SATB1: variants seen among roughly 807,000 people sequenced by gnomAD.
SATB1 encodes the protein SATB homeobox 1, also known as DNA-binding protein SATB1.
A neutral mutation model predicts 86.9 loss-of-function variants in SATB1; 11 were observed. The observed-to-expected ratio is 0.13, with a 90% CI of 0.08 to 0.21. SATB1 has a LOEUF of 0.21. Among genes scored for constraint, SATB1 ranks in the 10% least tolerant of loss-of-function variants. The pLI, the probability that SATB1 is intolerant of heterozygous loss-of-function variation, is 1.00. For missense variants in SATB1, 551 were observed against 937.6 expected (o/e 0.59, Z 5.39); for synonymous variants, 357 against 357.2 (o/e 1.00, Z 0.01).
rs537132862 is a variant in SATB1, at chr3:18,395,815, G to A, written c.752-899C>T. On this transcript the variant is annotated intron_variant, in intron 6 of 10. Transcript: ENST00000338745. ...TTGGCTAGGTTCCTCATATGGATTGGCTGAGCATCATCTCTAAGTATGTAA... is the reference window on the plus strand; with the variant it reads ...TTGGCTAGGTTCCTCATATGGATTGACTGAGCATCATCTCTAAGTATGTAA... Among the ~76,000 whole-genome samples, 5 of 152,124 alleles carry A rather than the reference G, an allele frequency of 3.3e-5. No homozygotes were observed. In the South Asian group the frequency reaches 1.0e-3, roughly 32 times the overall value.
chr3:18,421,968 ATAAT>A (rs1352866972), intron 1 of SATB1, among the ~76,000 whole-genome samples: 1 of 151,788 alleles, frequency 6.6e-6, no homozygotes, highest in East Asian at 1.9e-4. Context: ...AAATTAACAG[ATAAT>A]TATTTTCAGT....
At chr3:18,363,099 G>A (rs1051984176) in intron 9 of SATB1, among the ~76,000 whole-genome samples, 1 of 152,022 alleles carries the variant, frequency 6.6e-6, no homozygotes, top group African/African-American at 2.4e-5. Flanking sequence ...CATATTTAGG[G>A]ACTGGGAATT....
upstream of SATB1, among the ~76,000 whole-genome samples, chr3:18,440,878 A>G (rs914325945): frequency 6.6e-6 from 1 of 152,232 alleles, no homozygotes; most frequent in African/African-American, 2.4e-5. Flanking sequence ...TGAATACTTA[A>G]TATAATAAGC....
chr3:18,417,164 T>C (rs960092987), intron 2 of SATB1, 86 bp from the exon 3 acceptor site: 10 of 1,343,220 alleles, frequency 7.4e-6, no homozygotes, highest in Admixed American at 5.8e-5. Flanking sequence ...ATATTAGCCA[T>C]GAAAATAAAT....
At chr3:18,350,352 T>C (rs1694288972) in intron 10 of SATB1, 1 of 152,336 alleles carries the variant, frequency 6.6e-6, no homozygotes, top group African/African-American at 2.4e-5. Flanking sequence ...ATACGACAGC[T>C]AGCGAATTGT....
intron 5 of SATB1, among the ~76,000 whole-genome samples, chr3:18,400,107 G>A (rs1239106137): frequency 1.3e-5 from 2 of 152,020 alleles, no homozygotes; most frequent in African/African-American, 2.4e-5. Context: ...AAAAAAACAC[G>A]TAATGTTTTG....
chr3:18,380,030 A>T (rs147889277), intron 8 of SATB1, among the ~76,000 whole-genome samples: 1 of 152,286 alleles, frequency 6.6e-6, no homozygotes, highest in East Asian at 1.9e-4. Flanking sequence ...ACAACACATT[A>T]CCATAAATTG....
chr3:18,375,180 G>A (rs1376256275), intron 9 of SATB1, among the ~76,000 whole-genome samples: 1 of 152,100 alleles, frequency 6.6e-6, no homozygotes, highest in African/African-American at 2.4e-5. Flanking sequence ...CCTCAGATCA[G>A]GGTAGTACTT....
At chr3:18,373,187 G>C (rs1281686633) in intron 9 of SATB1, among the ~76,000 whole-genome samples, 1 of 152,202 alleles carries the variant, frequency 6.6e-6, no homozygotes. Flanking sequence ...GTTTGCCCAA[G>C]AGAAGGGGCT....
At chr3:18,396,601 G>A (rs1426174479) in intron 6 of SATB1, among the ~76,000 whole-genome samples, 1 of 152,090 alleles carries the variant, frequency 6.6e-6, no homozygotes, top group East Asian at 1.9e-4. Flanking sequence ...TATGTGTTAA[G>A]ATAGAATGCT....
intron 7 of SATB1, among the ~76,000 whole-genome samples, chr3:18,394,000 A>G (rs573300425): frequency 2.0e-5 from 3 of 152,324 alleles, no homozygotes; most frequent in Non-Finnish European, 4.4e-5. Flanking sequence ...AACAACAACA[A>G]CAACAACAAC....
intron 9 of SATB1, among the ~76,000 whole-genome samples, chr3:18,361,898 T>C (rs952293883): frequency 6.6e-6 from 1 of 152,146 alleles, no homozygotes. Flanking sequence ...TGTGTGTATG[T>C]ATAAAGGGCG....
At chr3:18,380,880 C>A (rs1246703845) in intron 8 of SATB1, among the ~76,000 whole-genome samples, 8 of 152,158 alleles carry the variant, frequency 5.3e-5, no homozygotes, top group African/African-American at 1.9e-4. Context: ...ACAAAAAAAT[C>A]TTCTTTAATC....
At chr3:18,404,843 AT>A (rs34752968) in intron 5 of SATB1, among the ~76,000 whole-genome samples, 28,728 of 151,880 alleles carry the variant, frequency 0.19, 3,490 homozygotes, top group Non-Finnish European at 0.26. Flanking sequence ...ACTATAAAAT[AT>A]TTTTAAAAGG....
chr3:18,357,536 G>C (rs1694705309), intron 9 of SATB1, among the ~76,000 whole-genome samples: 1 of 131,586 alleles, frequency 7.6e-6, no homozygotes, highest in African/African-American at 3.1e-5. Flanking sequence ...TGCTAATAGA[G>C]GGCAATTTTT....
chr3:18,441,653 C>G (rs780760741), upstream of SATB1, among the ~76,000 whole-genome samples: 3 of 152,076 alleles, frequency 2.0e-5, no homozygotes, highest in Non-Finnish European at 2.9e-5. Flanking sequence ...TTTATAGAGT[C>G]CCTGCTGTAT....
intron 1 of SATB1, among the ~76,000 whole-genome samples, chr3:18,421,632 C>T (rs188767663): frequency 1.6e-3 from 238 of 151,936 alleles, no homozygotes; most frequent in Non-Finnish European, 2.6e-3. Flanking sequence ...AAGTTTTGGG[C>T]CAAAGATGTG....
intron 9 of SATB1, among the ~76,000 whole-genome samples, chr3:18,367,681 T>C (rs1695254406): frequency 6.6e-6 from 1 of 152,198 alleles, no homozygotes; most frequent in Non-Finnish European, 1.5e-5. Context: ...AGAATACTGA[T>C]CTTGTTAAAC....
At chr3:18,351,353 C>T in intron 10 of SATB1, 1 of 1,555,212 alleles carries the variant, frequency 6.4e-7, no homozygotes. Flanking sequence ...GGTCGGCAGG[C>T]CTGGTAAGAA....
Sources: gnomAD v4.1 joint callset for allele counts (sites outside exome capture counted in the v4.1 genomes callset) on GRCh38, gnomAD v4.1.1 for gene constraint, MANE v1.5 for transcripts, NCBI Gene and HGNC (gene_info 2026-07-23, HGNC 2026-07-21) for gene names.